LCORL: variants seen among roughly 807,000 people sequenced by gnomAD.
The protein encoded by LCORL is ligand dependent nuclear receptor corepressor like, also known as ligand-dependent nuclear receptor corepressor-like protein.
In LCORL, 41 loss-of-function variants were observed where a neutral mutation model predicts 141.8. That is an observed-to-expected ratio of 0.29 (90% CI 0.23 to 0.38). LCORL has a LOEUF of 0.38. LCORL is among the 10% of genes least tolerant of loss of function. LCORL has a pLI of 1.00. For synonymous variants in LCORL, 618 were observed against 694.1 expected (o/e 0.89, Z 1.72); for missense variants, 1,759 against 2,035.0 (o/e 0.86, Z 2.61).
At chr4:17,874,520 T>C (rs1726710198) in exon 7 of LCORL, 1 of 1,233,862 alleles carries the variant, frequency 8.1e-7, no homozygotes, top group East Asian at 3.2e-5. Flanking sequence ...TTTTTACAGG[T>C]GAAACTTCAA....
At chr4:17,986,549 T>C (rs1193119603) in intron 1 of LCORL, among the ~76,000 whole-genome samples, 3 of 152,200 alleles carry the variant, frequency 2.0e-5, no homozygotes, top group Admixed American at 1.3e-4. Context: ...TCTATTCTGC[T>C]GTTACTACTT....
At chr4:17,973,800 T>C (rs1716427562) in intron 1 of LCORL, among the ~76,000 whole-genome samples, 1 of 151,978 alleles carries the variant, frequency 6.6e-6, no homozygotes, top group Non-Finnish European at 1.5e-5. Context: ...TTGAAAAACA[T>C]TAACATCTCC....
chr4:17,995,846 T>C (rs1177474673), intron 1 of LCORL, among the ~76,000 whole-genome samples: 1 of 152,100 alleles, frequency 6.6e-6, no homozygotes, highest in African/African-American at 2.4e-5. Context: ...AAGACTCAGG[T>C]TGGAGTCCAT....
intron 4 of LCORL, among the ~76,000 whole-genome samples, chr4:17,927,606 T>C (rs1577446413): frequency 1.3e-5 from 2 of 152,090 alleles, no homozygotes; most frequent in Non-Finnish European, 2.9e-5. Context: ...CCAGAGGCCA[T>C]TGTAGGGTTA....
At chr4:17,921,182 C>A (rs1266062370) in intron 4 of LCORL, among the ~76,000 whole-genome samples, 1 of 149,804 alleles carries the variant, frequency 6.7e-6, no homozygotes, top group East Asian at 2.0e-4. Flanking sequence ...CACCACCACA[C>A]CTGGTTGATT....
In LCORL at chr4:17,982,146, A is replaced by G. The variant is rs867599501; in HGVS notation, c.155-9261T>C. ...TGTGTGTGTGTGTGTGTGTGTGTGTATACAAGATATTTTCTTTATCCAATC... is the reference window on the plus strand; with the variant it reads ...TGTGTGTGTGTGTGTGTGTGTGTGTGTACAAGATATTTTCTTTATCCAATC... On this transcript the variant is annotated intron_variant, in intron 1 of 7. Transcript: ENST00000635767. Among the ~76,000 whole-genome samples the G allele has an allele frequency of 2.1e-3, 236 of 109,898 alleles. 1 individual carries two copies. Among genetic ancestry groups the G allele is most frequent in the African/African-American group, 8.5e-3 (221 of 26,056 alleles). The allele number at this position is 109,898 out of a possible 152,430, so 72.1% of individuals were successfully genotyped here. A position where few individuals can be genotyped will look rare whatever the true frequency, so the allele number is the denominator to read the frequency against.
rs763457238 is a variant in LCORL at position 17,884,186 on chromosome 4, C to T, written c.776+1882G>A. 2 of 1,549,672 alleles carry T rather than the reference C, an allele frequency of 1.3e-6. No homozygotes were observed. The highest frequency in any genetic ancestry group is 4.9e-5 in the East Asian group (2 of 40,888). On this transcript the variant is annotated intron_variant, in intron 6 of 7. Coordinates refer to ENST00000635767, the Ensembl canonical transcript of LCORL. This position sits in a 1 kb window ranked among gnomAD's most constrained non-coding sequence, Gnocchi z 4.4. ...ATTTTTCAGTTTTTGGAGAGCTGAT[C>T]CTTCTAGGACTGAAGAGGTTTTGGA...
intron 4 of LCORL, among the ~76,000 whole-genome samples, chr4:17,949,557 C>T (rs948892366): frequency 2.0e-5 from 3 of 152,062 alleles, no homozygotes; most frequent in Admixed American, 1.3e-4. Flanking sequence ...AACCCTGATA[C>T]GGGAGCTATC....
intron 4 of LCORL, among the ~76,000 whole-genome samples, chr4:17,940,188 A>G (rs1361744443): frequency 6.8e-6 from 1 of 146,218 alleles, no homozygotes; most frequent in Non-Finnish European, 1.5e-5. Context: ...ATATATATAT[A>G]CACACACACA....
chr4:18,007,178 C>T (rs1219389978), intron 1 of LCORL, among the ~76,000 whole-genome samples: 1 of 152,132 alleles, frequency 6.6e-6, no homozygotes, highest in Admixed American at 6.5e-5. Flanking sequence ...GCTTAAAATT[C>T]TTCAGTGGTT....
In LCORL at chr4:18,021,578, C is replaced by G. The variant is rs1275892227; in HGVS notation, c.154+20G>C. 1.1e-5 allele frequency: 16 copies of G among 1,513,356 alleles called. No individual in the cohort carries two copies. The East Asian group carries it at 4.2e-4, about 39-fold the overall frequency. 93.7% of individuals were successfully genotyped at this position (1,513,356 alleles called of 1,614,324 possible). A position where few individuals can be genotyped will look rare whatever the true frequency, so the allele number is the denominator to read the frequency against. ...CGGTCGCCGCGCGGAGCCCGGGGCCCCGGCCCGCGTCTCTCTTACCTACAC... is the reference window on the plus strand; with the variant it reads ...CGGTCGCCGCGCGGAGCCCGGGGCCGCGGCCCGCGTCTCTCTTACCTACAC... On this transcript the variant is annotated intron_variant, in intron 1 of 7. Transcript: ENST00000635767. This position sits in a 1 kb window ranked among gnomAD's most constrained non-coding sequence, Gnocchi z 5.5.
chr4:17,972,147 G>T (rs1716084748), intron 2 of LCORL, among the ~76,000 whole-genome samples: 1 of 151,750 alleles, frequency 6.6e-6, no homozygotes, highest in South Asian at 2.1e-4. Context: ...ACAGGTTTAG[G>T]TGACTAAAGT....
At chr4:17,963,115 T>A in intron 2 of LCORL, 66 bp from the exon 3 acceptor site, 1 of 761,774 alleles carries the variant, frequency 1.3e-6, no homozygotes, top group Non-Finnish European at 2.1e-6. Flanking sequence ...ATTACCACTC[T>A]CCACAGCAAT....
At chr4:18,005,674 G>A (rs1722676112) in intron 1 of LCORL, among the ~76,000 whole-genome samples, 1 of 152,228 alleles carries the variant, frequency 6.6e-6, no homozygotes, top group Non-Finnish European at 1.5e-5. Flanking sequence ...TCAACACCAG[G>A]TGGAAGCTGC....
chr4:17,856,558 T>A (rs993025134), intron 7 of LCORL, among the ~76,000 whole-genome samples: 1 of 152,216 alleles, frequency 6.6e-6, no homozygotes, highest in African/African-American at 2.4e-5. Context: ...TTTGTTGTGG[T>A]AGCCCAAGGA....
rs549596636 is a variant in LCORL, at chr4:17,852,954, T to C, written c.5603-7053A>G. Among the ~76,000 whole-genome samples the C allele has an allele frequency of 1.3e-4, 20 of 152,180 alleles. No individual in the cohort carries two copies. In the South Asian group the frequency reaches 4.1e-3, roughly 32 times the overall value. The stretch of plus-strand genomic sequence containing the variant: ...TAAACTTGAATGTTACCTAGCCGAC[T>C]CTTACAGGAATCAAATTTTGGTGCA... On this transcript the variant is annotated intron_variant, in intron 7 of 7. Coordinates refer to ENST00000635767, the Ensembl canonical transcript of LCORL.
At chr4:17,997,169 T>G (rs1721043366) in intron 1 of LCORL, among the ~76,000 whole-genome samples, 1 of 152,152 alleles carries the variant, frequency 6.6e-6, no homozygotes, top group South Asian at 2.1e-4. Context: ...CTAACCACAC[T>G]AAACAACAGT....
intron 7 of LCORL, among the ~76,000 whole-genome samples, chr4:17,852,831 TAA>T (rs1476482445): frequency 6.6e-6 from 1 of 152,168 alleles, no homozygotes; most frequent in Non-Finnish European, 1.5e-5. Context: ...TGATTATTGA[TAA>T]GTCTAATCTT....
At chr4:17,868,006 T>C (rs57731317) in intron 7 of LCORL, among the ~76,000 whole-genome samples, 6,759 of 151,822 alleles carry the variant, frequency 0.045, 487 homozygotes, top group African/African-American at 0.16. Context: ...CTCAGGGGGG[T>C]TGGGTGTAAA....
Sources: gnomAD v4.1 joint callset for allele counts (sites outside exome capture counted in the v4.1 genomes callset) on GRCh38, gnomAD v4.1.1 for gene constraint, Gnocchi (gnomAD v3.1) non-coding constraint, MANE v1.5 for transcripts, NCBI Gene and HGNC (gene_info 2026-07-23, HGNC 2026-07-21) for gene names.